The following SNX29 variants were observed in gnomAD, a reference collection of about 807,000 sequenced individuals.
SNX29 encodes the protein sorting nexin-29.
SNX29 carries 78 observed loss-of-function variants against 102.1 expected under a neutral mutation model. The ratio of observed to expected loss-of-function variants is 0.76; its 90% CI spans 0.64 to 0.92. SNX29 has a LOEUF of 0.92. Ranked by LOEUF, SNX29 falls within the 40% of genes least tolerant of loss-of-function variation. The pLI is 0.00. For missense variants in SNX29, 1,280 were observed against 1,061.7 expected, an observed-to-expected ratio of 1.21 and a Z score of -2.86; for synonymous variants, 580 against 414.5, an observed-to-expected ratio of 1.40 and a Z score of -4.85.
chr16:12,504,690 A>T (rs2089293902), intron 19 of SNX29, among the ~76,000 whole-genome samples: 1 of 152,174 alleles, frequency 6.6e-6, no homozygotes, highest in African/African-American at 2.4e-5. Flanking sequence ...ATATCGTTAT[A>T]ATTGTTCTAT....
chr16:12,472,402 C>G (rs370796195), intron 18 of SNX29, among the ~76,000 whole-genome samples: 2 of 151,846 alleles, frequency 1.3e-5, no homozygotes, highest in Non-Finnish European at 2.9e-5. Context: ...ACCTGTAATC[C>G]CAGCTACTCA....
chr16:12,550,109 G>C (rs2077875229), intron 20 of SNX29, among the ~76,000 whole-genome samples: 1 of 152,150 alleles, frequency 6.6e-6, no homozygotes, highest in East Asian at 1.9e-4. Flanking sequence ...AGAATACTGA[G>C]GCTGATGTAC....
At chr16:12,477,186 A>G (rs943969344) in intron 18 of SNX29, among the ~76,000 whole-genome samples, 14 of 152,206 alleles carry the variant, frequency 9.2e-5, no homozygotes, top group South Asian at 8.3e-4. Context: ...TGGACACGGC[A>G]TTCGGTCTAG....
intron 15 of SNX29, among the ~76,000 whole-genome samples, chr16:12,350,177 G>C (rs2081954554): frequency 6.6e-6 from 1 of 152,180 alleles, no homozygotes. Context: ...GCATGTGACA[G>C]TTACAGTTGG....
chr16:12,018,373 T>G (rs1356939403), intron 3 of SNX29, among the ~76,000 whole-genome samples: 1 of 151,500 alleles, frequency 6.6e-6, no homozygotes, highest in Non-Finnish European at 1.5e-5. Context: ...GTCAGGAGTT[T>G]GAGACCACCC....
intron 20 of SNX29, among the ~76,000 whole-genome samples, chr16:12,547,664 A>G (rs1028434535): frequency 3.9e-5 from 6 of 152,036 alleles, no homozygotes; most frequent in Non-Finnish European, 7.4e-5. Context: ...CCCAAGCACC[A>G]TCTCCTGTAA....
chr16:12,101,783 A>T (rs116917526), intron 11 of SNX29, among the ~76,000 whole-genome samples: 5,137 of 152,226 alleles, frequency 0.034, 137 homozygotes, highest in East Asian at 0.18. Context: ...TAATTTAAAT[A>T]TACTTTAAGT....
At chr16:12,364,989 G>A (rs1162370661) in intron 16 of SNX29, among the ~76,000 whole-genome samples, 1 of 152,032 alleles carries the variant, frequency 6.6e-6, no homozygotes, top group Non-Finnish European at 1.5e-5. Context: ...CACCCTCTAG[G>A]CAGTCCTTAT....
At chr16:12,219,962 C>G (rs2077432572) in intron 14 of SNX29, among the ~76,000 whole-genome samples, 1 of 152,196 alleles carries the variant, frequency 6.6e-6, no homozygotes, top group African/African-American at 2.4e-5. Context: ...GCACACACAC[C>G]CCACCGGTAC....
chr16:12,234,479 C>T (rs1018982711), intron 14 of SNX29, among the ~76,000 whole-genome samples: 5 of 151,874 alleles, frequency 3.3e-5, no homozygotes, highest in Admixed American at 2.0e-4. Context: ...ATCAGAGATA[C>T]GTGATTTGCA....
intron 18 of SNX29, among the ~76,000 whole-genome samples, chr16:12,446,418 G>A (rs959874417): frequency 6.6e-6 from 1 of 152,208 alleles, no homozygotes; most frequent in African/African-American, 2.4e-5. Flanking sequence ...TAAAAGCTCA[G>A]CAGAGTCATT....
chr16:12,236,199 T>G (rs531390269), intron 14 of SNX29, among the ~76,000 whole-genome samples: 5 of 152,304 alleles, frequency 3.3e-5, no homozygotes, highest in African/African-American at 1.2e-4. Flanking sequence ...CCCCAACAGT[T>G]AATACATCAT....
At chr16:12,136,249 A>G (rs527331180) in intron 13 of SNX29, among the ~76,000 whole-genome samples, 2 of 152,238 alleles carry the variant, frequency 1.3e-5, no homozygotes, top group East Asian at 1.9e-4. Flanking sequence ...GTGGCATGGA[A>G]CACTCTCCCT....
chr16:12,048,113 A>G (rs1567562454), intron 6 of SNX29, among the ~76,000 whole-genome samples: 1 of 149,872 alleles, frequency 6.7e-6, no homozygotes, highest in Middle Eastern at 3.3e-3. Flanking sequence ...CTCAACTCCC[A>G]TGATAACGGA....
intron 10 of SNX29, 146 bp from the exon 11 acceptor site, chr16:12,078,687 A>G: frequency 1.4e-6 from 1 of 708,560 alleles, no homozygotes; most frequent in Admixed American, 2.2e-5. Context: ...ATCTGCAGAT[A>G]ACGAGGCCTG....
intron 7 of SNX29, among the ~76,000 whole-genome samples, chr16:12,050,348 C>T (rs767773762): frequency 2.6e-5 from 4 of 152,186 alleles, no homozygotes; most frequent in Non-Finnish European, 5.9e-5. Context: ...GAGTGCTGGT[C>T]ACTAAGGCAA....
intron 18 of SNX29, among the ~76,000 whole-genome samples, chr16:12,439,765 C>T (rs2085714990): frequency 6.6e-6 from 1 of 152,230 alleles, no homozygotes; most frequent in Non-Finnish European, 1.5e-5. Flanking sequence ...CCTTGGTACA[C>T]TTACTTTGCC....
rs1226148494 is a variant in SNX29, at chr16:12,572,795, C to A, written c.*4166C>A. On this transcript the variant is annotated 3_prime_UTR_variant, in exon 21 of 21. Transcript: ENST00000566228. ...AGACCCCACCTCACTCCTCCTTCCC[C>A]AGTACATCAGACTGGTTAGGAGGCA... is the stretch of plus-strand genomic sequence containing the variant. 1 of 1,063,698 alleles carries A rather than the reference C, an allele frequency of 9.4e-7. No individual in the cohort carries two copies. Among genetic ancestry groups the A allele is most frequent in the African/African-American group, 1.6e-5 (1 of 61,106 alleles). 65.9% of individuals were successfully genotyped at this position (1,063,698 alleles called of 1,614,324 possible). A position where few individuals can be genotyped will look rare whatever the true frequency, so the allele number is the denominator to read the frequency against.
intron 20 of SNX29, among the ~76,000 whole-genome samples, chr16:12,551,975 G>A (rs1408974047): frequency 6.6e-6 from 1 of 152,188 alleles, no homozygotes; most frequent in South Asian, 2.1e-4. Flanking sequence ...GCCCAACACA[G>A]TGCCATGTCA....
Sources: allele counts gnomAD v4.1 joint callset (sites outside exome capture counted in the v4.1 genomes callset), GRCh38; gene constraint gnomAD v4.1.1; transcripts MANE v1.5; gene names NCBI Gene and HGNC (gene_info 2026-07-23, HGNC 2026-07-21).